TMEM156: variants seen among roughly 807,000 people sequenced by gnomAD.
The protein encoded by TMEM156 is transmembrane protein 156.
In TMEM156, 28 loss-of-function variants were observed where a neutral mutation model predicts 30.5. The ratio of observed to expected loss-of-function variants is 0.92; its 90% CI spans 0.68 to 1.26. TMEM156 has a LOEUF of 1.26. Ranked by LOEUF, TMEM156 falls within the 50% of genes most tolerant of loss-of-function variation. TMEM156 has a pLI of 0.00. For synonymous variants in TMEM156, 137 were observed against 119.9 expected, an observed-to-expected ratio of 1.14 and a Z score of -0.93; for missense variants, 351 against 340.6, an observed-to-expected ratio of 1.03 and a Z score of -0.24.
chr4:39,027,272 G>T (rs902267485), intron 1 of TMEM156, among the ~76,000 whole-genome samples: 2 of 152,068 alleles, frequency 1.3e-5, no homozygotes, highest in African/African-American at 4.8e-5. Context: ...ACACTTTCAG[G>T]AAATTAATTG....
chr4:39,009,698 T>C (rs1713984606), intron 1 of TMEM156, among the ~76,000 whole-genome samples: 1 of 152,040 alleles, frequency 6.6e-6, no homozygotes, highest in African/African-American at 2.4e-5. Context: ...AATCCAACAT[T>C]TTTTCATGAT....
chr4:39,026,095 T>C (rs1038631688), intron 1 of TMEM156, among the ~76,000 whole-genome samples: 1 of 152,202 alleles, frequency 6.6e-6, no homozygotes, highest in African/African-American at 2.4e-5. Context: ...GGAGCTTACA[T>C]TCTATTTGGA....
intron 1 of TMEM156, among the ~76,000 whole-genome samples, chr4:39,006,116 A>G (rs1490191784): frequency 6.6e-6 from 1 of 152,092 alleles, no homozygotes; most frequent in Non-Finnish European, 1.5e-5. Flanking sequence ...GGCTGGTCTC[A>G]AACTCCTGAC....
chr4:39,024,502 A>G (rs960016394), intron 1 of TMEM156, among the ~76,000 whole-genome samples: 4 of 152,266 alleles, frequency 2.6e-5, no homozygotes, highest in African/African-American at 9.6e-5. Context: ...GCCATAAAAA[A>G]GAAAGAGATC....
At chr4:38,990,830 GTTTT>G (rs71304784) in intron 3 of TMEM156, among the ~76,000 whole-genome samples, 34 of 81,226 alleles carry the variant, frequency 4.2e-4, no homozygotes, top group African/African-American at 1.2e-3. Flanking sequence ...TTGTTTTCTG[GTTTT>G]TTTTTTTTTT....
chr4:38,993,190 G>A (rs1481094198), intron 3 of TMEM156, among the ~76,000 whole-genome samples: 1 of 152,022 alleles, frequency 6.6e-6, no homozygotes, highest in East Asian at 1.9e-4. Context: ...AGCACTTTGG[G>A]AGGCCAAGGC....
At chr4:38,974,995 A>G (rs990436039) in intron 5 of TMEM156, among the ~76,000 whole-genome samples, 5 of 152,160 alleles carry the variant, frequency 3.3e-5, no homozygotes, top group African/African-American at 1.2e-4. Context: ...AAATTAAGAT[A>G]GTAACTACTG....
intron 1 of TMEM156, among the ~76,000 whole-genome samples, chr4:38,999,363 T>C (rs940472939): frequency 6.6e-6 from 1 of 152,148 alleles, no homozygotes; most frequent in African/African-American, 2.4e-5. Context: ...ACATTCCCTA[T>C]TAACTTTCAG....
intron 5 of TMEM156, among the ~76,000 whole-genome samples, chr4:38,977,301 G>T (rs747731748): frequency 1.3e-5 from 2 of 152,168 alleles, no homozygotes; most frequent in Non-Finnish European, 2.9e-5. Context: ...TCGTTGAAAA[G>T]CCAAACCGCT....
intron 1 of TMEM156, among the ~76,000 whole-genome samples, chr4:39,015,548 A>G (rs1307893288): frequency 6.6e-6 from 1 of 152,246 alleles, no homozygotes; most frequent in Non-Finnish European, 1.5e-5. Flanking sequence ...CAAAAGGAAC[A>G]CAGTCTTACT....
chr4:39,026,125 A>C (rs1336886438), intron 1 of TMEM156, among the ~76,000 whole-genome samples: 1 of 152,204 alleles, frequency 6.6e-6, no homozygotes, highest in Non-Finnish European at 1.5e-5. Flanking sequence ...TAATTTTAAA[A>C]AATGCATAAT....
At chr4:39,024,998 A>G (rs1449884698) in intron 1 of TMEM156, among the ~76,000 whole-genome samples, 1 of 152,220 alleles carries the variant, frequency 6.6e-6, no homozygotes, top group Non-Finnish European at 1.5e-5. Context: ...TGCCTAATTT[A>G]CAGAGACATT....
intron 1 of TMEM156, among the ~76,000 whole-genome samples, chr4:39,017,921 C>T (rs938283042): frequency 6.6e-6 from 1 of 151,960 alleles, no homozygotes; most frequent in Non-Finnish European, 1.5e-5. Flanking sequence ...CCGGAAATTG[C>T]TTTTTTAATC....
At position 39,032,334 on chromosome 4, in the gene TMEM156, T is replaced by C; in HGVS notation, c.-21A>G. The stretch of plus-strand genomic sequence containing the variant: ...GTCATGTCTCTTCACATGACACAAA[T>C]GTGTTCCCTTGCAGTACATTCATGG... On this transcript the variant is annotated 5_prime_UTR_variant, in exon 1 of 7. Coordinates refer to ENST00000381938, the MANE Select transcript of TMEM156 (RefSeq NM_024943.3). 2 of 1,483,504 alleles carry C rather than the reference T, an allele frequency of 1.3e-6. No individual in the cohort carries two copies. Among genetic ancestry groups the C allele is most frequent in the East Asian group, 4.6e-5 (2 of 43,928 alleles). 91.9% of individuals were successfully genotyped at this position (1,483,504 alleles called of 1,614,324 possible).
chr4:38,989,715 C>T (rs1289842197), intron 3 of TMEM156, among the ~76,000 whole-genome samples: 3 of 152,220 alleles, frequency 2.0e-5, no homozygotes, highest in Non-Finnish European at 4.4e-5. Context: ...GAATCAGTGA[C>T]TCACACAAGG....
At chr4:38,969,648 C>T (rs1722503299) in intron 6 of TMEM156, among the ~76,000 whole-genome samples, 1 of 152,178 alleles carries the variant, frequency 6.6e-6, no homozygotes. Context: ...AGCGCAGTGG[C>T]ATGGCATGAA....
chr4:39,028,326 T>C (rs1194489038), intron 1 of TMEM156: 6 of 152,218 alleles, frequency 3.9e-5, no homozygotes, highest in African/African-American at 1.4e-4. Context: ...TCATTTCTTC[T>C]CTTGAAAAGT....
intron 5 of TMEM156, among the ~76,000 whole-genome samples, chr4:38,981,454 A>G (rs1711538467): frequency 6.6e-6 from 1 of 152,206 alleles, no homozygotes. Flanking sequence ...ACAAGCTCTT[A>G]GGACCTTATA....
intron 1 of TMEM156, among the ~76,000 whole-genome samples, chr4:39,004,695 C>A (rs1317183757): frequency 6.6e-6 from 1 of 152,002 alleles, no homozygotes; most frequent in Non-Finnish European, 1.5e-5. Flanking sequence ...TTTATTTATT[C>A]ATTCTTCTGA....
Sources: allele counts gnomAD v4.1 joint callset (sites outside exome capture counted in the v4.1 genomes callset), GRCh38; gene constraint gnomAD v4.1.1; transcripts MANE v1.5; gene names NCBI Gene and HGNC (gene_info 2026-07-23, HGNC 2026-07-21).